Variants in ROBO1 observed in about 807,000 individuals in gnomAD.
ROBO1 encodes roundabout homolog 1.
In ROBO1, 149 loss-of-function variants were observed where a neutral mutation model predicts 195.9. That is an observed-to-expected ratio of 0.76 (90% CI 0.67 to 0.87). The LOEUF (loss-of-function observed/expected upper bound fraction) is 0.87, where lower values mean the gene tolerates loss of function less well. Among genes scored for constraint, ROBO1 ranks in the 40% least tolerant of loss-of-function variants. The pLI, the probability that ROBO1 is intolerant of heterozygous loss-of-function variation, is 0.00. For synonymous variants in ROBO1, 816 were observed against 733.2 expected (o/e 1.11, Z -1.82); for missense variants, 1,933 against 2,068.3 (o/e 0.93, Z 1.27).
At chr3:79,368,110 T>C (rs1369704786) in intron 2 of ROBO1, among the ~76,000 whole-genome samples, 1 of 152,016 alleles carries the variant, frequency 6.6e-6, no homozygotes, top group Non-Finnish European at 1.5e-5. Context: ...CCTGGCTAAT[T>C]ATAGTAGAGA....
At chr3:78,945,489 A>G (rs2040381963) in intron 3 of ROBO1, among the ~76,000 whole-genome samples, 1 of 152,206 alleles carries the variant, frequency 6.6e-6, no homozygotes, top group Admixed American at 6.5e-5. Flanking sequence ...TAACATACAG[A>G]AAGGACATCC....
At chr3:79,658,084 T>C (rs1204792164) in intron 1 of ROBO1, among the ~76,000 whole-genome samples, 1 of 152,162 alleles carries the variant, frequency 6.6e-6, no homozygotes, top group Non-Finnish European at 1.5e-5. Context: ...AGTAAAAATA[T>C]ACACATTCAA....
chr3:79,434,473 A>C (rs1336455919), intron 2 of ROBO1, among the ~76,000 whole-genome samples: 1 of 152,244 alleles, frequency 6.6e-6, no homozygotes, highest in South Asian at 2.1e-4. Flanking sequence ...AAAATGCTCA[A>C]CATCACTGGC....
rs1031409902 is a variant in ROBO1 at position 79,052,128 on chromosome 3, C to T, written c.172+73328G>A. Among the ~76,000 whole-genome samples the T allele has an allele frequency of 9.9e-5, 15 of 152,076 alleles. No homozygotes were observed. The East Asian group carries it at 1.8e-3, about 18-fold the overall frequency. ...TGTTACATTTCTCTTCTTGCAAAAG[C>T]GAATAGAAGAAATATCACTGAATTC... On this transcript the variant is annotated intron_variant, in intron 3 of 30. Transcript: ENST00000464233.
chr3:79,228,182 A>G (rs958267541), intron 2 of ROBO1, among the ~76,000 whole-genome samples: 2 of 152,210 alleles, frequency 1.3e-5, no homozygotes, highest in African/African-American at 4.8e-5. Context: ...AAGGAAAAGA[A>G]GAAGAAAAAG....
intron 4 of ROBO1, among the ~76,000 whole-genome samples, chr3:78,798,710 A>G (rs907805776): frequency 3.3e-5 from 5 of 152,230 alleles, no homozygotes; most frequent in Admixed American, 6.5e-5. Flanking sequence ...GAACACAGAC[A>G]TGTCAAAACA....
chr3:79,082,401 GA>G (rs1450971512), intron 3 of ROBO1, among the ~76,000 whole-genome samples: 1 of 152,012 alleles, frequency 6.6e-6, no homozygotes, highest in Non-Finnish European at 1.5e-5. Flanking sequence ...TTTTAAGAGG[GA>G]AGTAAAGATG....
chr3:78,949,350 A>C (rs2107761675), intron 3 of ROBO1, among the ~76,000 whole-genome samples: 1 of 120,540 alleles, frequency 8.3e-6, no homozygotes, highest in East Asian at 2.5e-4. Flanking sequence ...CCTCAGAAAT[A>C]ATGCCGCATA....
In ROBO1 at chr3:78,717,755, A is replaced by C; in HGVS notation, c.778+8T>G. On this transcript the variant is annotated splice_region_variant and intron_variant, in intron 6 of 30. Coordinates refer to ENST00000464233, the MANE Select transcript of ROBO1 (RefSeq NM_002941.4). Reference sequence around the variant, plus strand: ...TTCAATGAGAAGATTAAATAAAATTACACTTACCTAAGACAGTCAGCTCGG... The same window carrying C: ...TTCAATGAGAAGATTAAATAAAATTCCACTTACCTAAGACAGTCAGCTCGG... The C allele has an allele frequency of 6.2e-7, 1 of 1,611,594 alleles. No homozygotes were observed. The highest frequency in any genetic ancestry group is 8.5e-7 in the Non-Finnish European group (1 of 1,178,798).
rs553954030 is a variant in ROBO1 at position 79,584,248 on chromosome 3, C to T, written c.88+5576G>A. On this transcript the variant is annotated intron_variant, in intron 2 of 30. Transcript: ENST00000464233. The stretch of plus-strand genomic sequence containing the variant: ...TATACATGCATATGTTACATAGGTA[C>T]ATGTAATATATATATATATATATAT... Among the ~76,000 whole-genome samples the T allele has an allele frequency of 8.3e-5, 8 of 96,534 alleles. No individual in the cohort carries two copies. In the East Asian group the frequency reaches 2.3e-3, roughly 28 times the overall value. 63.3% of individuals were successfully genotyped at this position (96,534 alleles called of 152,430 possible). A position where few individuals can be genotyped will look rare whatever the true frequency, so the allele number is the denominator to read the frequency against.
intron 1 of ROBO1, among the ~76,000 whole-genome samples, chr3:79,594,633 T>G (rs73849637): frequency 0.025 from 3,781 of 152,106 alleles, 107 homozygotes; most frequent in African/African-American, 0.07. Flanking sequence ...GATAATTGTT[T>G]GACTTATATC....
At chr3:78,719,303 T>C (rs944721720) in intron 5 of ROBO1, among the ~76,000 whole-genome samples, 10 of 152,168 alleles carry the variant, frequency 6.6e-5, no homozygotes. Context: ...TTAAAATATT[T>C]CTATAAGGTT....
At chr3:78,793,276 T>C (rs971628839) in intron 4 of ROBO1, among the ~76,000 whole-genome samples, 2 of 152,178 alleles carry the variant, frequency 1.3e-5, no homozygotes, top group Non-Finnish European at 2.9e-5. Context: ...AAAAACTTCA[T>C]TTTAATTCCT....
intron 3 of ROBO1, among the ~76,000 whole-genome samples, chr3:79,024,944 C>G (rs529433507): frequency 6.6e-6 from 1 of 152,176 alleles, no homozygotes; most frequent in Non-Finnish European, 1.5e-5. Flanking sequence ...AAATCTGAGA[C>G]AGATTATGCC....
At chr3:78,653,768 G>A (rs1706825154) in intron 18 of ROBO1, among the ~76,000 whole-genome samples, 1 of 152,192 alleles carries the variant, frequency 6.6e-6, no homozygotes, top group East Asian at 1.9e-4. Context: ...GGTCAGATAA[G>A]AGCCACAGGG....
intron 3 of ROBO1, among the ~76,000 whole-genome samples, chr3:79,045,316 G>A (rs1366803865): frequency 6.6e-6 from 1 of 151,962 alleles, no homozygotes; most frequent in East Asian, 1.9e-4. Context: ...ACCAAATAAT[G>A]AACTATACAT....
intron 4 of ROBO1, among the ~76,000 whole-genome samples, chr3:78,763,834 C>T (rs1476619601): frequency 3.3e-5 from 5 of 152,122 alleles, no homozygotes; most frequent in Admixed American, 2.6e-4. Context: ...CACCTCTTAC[C>T]GTATACCTCA....
intron 3 of ROBO1, among the ~76,000 whole-genome samples, chr3:79,099,437 A>G (rs1029764830): frequency 3.3e-5 from 5 of 151,780 alleles, no homozygotes; most frequent in Admixed American, 6.6e-5. Flanking sequence ...GACCTTTTGG[A>G]GCAAGTCAGG....
chr3:79,405,215 T>C (rs2037501282), intron 2 of ROBO1, among the ~76,000 whole-genome samples: 1 of 152,132 alleles, frequency 6.6e-6, no homozygotes, highest in African/African-American at 2.4e-5. Flanking sequence ...ATGTACTATG[T>C]AGTTTTGAAG....
Sources: allele counts gnomAD v4.1 joint callset (sites outside exome capture counted in the v4.1 genomes callset), GRCh38; gene constraint gnomAD v4.1.1; transcripts MANE v1.5; gene names NCBI Gene and HGNC (gene_info 2026-07-23, HGNC 2026-07-21).